Variants in SHC3 observed in about 807,000 individuals in gnomAD.
The protein encoded by SHC3 is SHC-transforming protein 3.
A neutral mutation model predicts 60.4 loss-of-function variants in SHC3; 15 were observed. The ratio of observed to expected loss-of-function variants is 0.25; its 90% confidence interval spans 0.17 to 0.38. The LOEUF (loss-of-function observed/expected upper bound fraction) is 0.38, where lower values mean the gene tolerates loss of function less well. Among genes scored for constraint, SHC3 ranks in the 10% least tolerant of loss-of-function variants. The pLI is 1.00. For synonymous variants in SHC3, 294 were observed against 325.9 expected, an observed-to-expected ratio of 0.90 and a Z score of 1.05; for missense variants, 677 against 786.1, an observed-to-expected ratio of 0.86 and a Z score of 1.66.
intron 5 of SHC3, among the ~76,000 whole-genome samples, chr9:89,069,625 C>A (rs1825237215): frequency 6.6e-6 from 1 of 152,196 alleles, no homozygotes; most frequent in Non-Finnish European, 1.5e-5. Flanking sequence ...AATACCTTCC[C>A]CTGCAGAGTG....
At chr9:89,098,536 A>C (rs149531677) in intron 2 of SHC3, among the ~76,000 whole-genome samples, 17 of 152,342 alleles carry the variant, frequency 1.1e-4, no homozygotes, top group African/African-American at 4.1e-4. Context: ...TAGGCTGGGC[A>C]CATGGCTCAC....
Position 89,042,052 on chromosome 9 carries a change from C to T in SHC3, c.1334G>A (p.Ser445Asn). Residue 445 changes from serine to asparagine, a missense_variant, in exon 10 of 12, where the codon AGC becomes AAC. By Grantham distance (46) the Ser-to-Asn change is conservative. Coordinates refer to ENST00000375835, the MANE Select transcript of SHC3 (RefSeq NM_016848.6). ...CATGTCAAAGAGGTCTTTCCTTGGG[C>T]TGCTCTCAGCACTGCTGACCGCAGC... is the stretch of plus-strand genomic sequence containing the variant. ...WPAAVSSAES[S>N]PRKDLFDMKP... is the part of the protein sequence containing the mutation. 2 of 1,612,926 alleles carry T rather than the reference C, an allele frequency of 1.2e-6. No homozygotes were observed. The highest frequency in any genetic ancestry group is 1.7e-6 in the Non-Finnish European group (2 of 1,179,784).
intron 4 of SHC3, among the ~76,000 whole-genome samples, chr9:89,071,995 A>G (rs145483911): frequency 6.6e-6 from 1 of 152,070 alleles, no homozygotes; most frequent in African/African-American, 2.4e-5. Flanking sequence ...CCCTACTCCT[A>G]TCTCTTTTTC....
intron 6 of SHC3, among the ~76,000 whole-genome samples, chr9:89,056,663 C>T (rs1298329567): frequency 6.6e-6 from 1 of 152,270 alleles, no homozygotes; most frequent in Non-Finnish European, 1.5e-5. Context: ...CACCCCACAT[C>T]CCAGCACATG....
intron 1 of SHC3, among the ~76,000 whole-genome samples, chr9:89,142,204 C>T (rs560414360): frequency 1.3e-5 from 2 of 152,294 alleles, no homozygotes; most frequent in African/African-American, 4.8e-5. Context: ...AGGAATGACT[C>T]TAACCTTCTT....
In SHC3 at chr9:89,110,475, C is replaced by T. The variant is rs921231505; in HGVS notation, c.545+2081G>A. 1.3e-5 allele frequency: 13 copies of T among 983,850 alleles called. No individual in the cohort carries two copies. The African/African-American group carries it at 1.9e-4, about 15-fold the overall frequency. 60.9% of individuals were successfully genotyped at this position (983,850 alleles called of 1,614,324 possible). A position where few individuals can be genotyped will look rare whatever the true frequency, so the allele number is the denominator to read the frequency against. ...GGAGTTTAATCACAGGTATGTTGAA[C>T]ACTTAGTTACCATGGAGACCTTAAA... On this transcript the variant is annotated intron_variant, in intron 2 of 11. Transcript: ENST00000375835.
Position 89,012,610 on chromosome 9 carries a change from A to C in SHC3, c.*837T>G, listed in dbSNP as rs142975635. ...AGACACAAACCAGGAATTTGCCCCG[A>C]CCACCCTTCTACAAATACCCATTTT... On this transcript the variant is annotated 3_prime_UTR_variant, in exon 12 of 12. Coordinates refer to ENST00000375835, the MANE Select transcript of SHC3 (RefSeq NM_016848.6). The C allele has an allele frequency of 1.3e-3, 193 of 152,262 alleles. No homozygotes were observed. The highest frequency in any genetic ancestry group is 4.5e-3 in the African/African-American group (186 of 41,542). 9.4% of individuals were successfully genotyped at this position (152,262 alleles called of 1,614,324 possible).
At chr9:89,040,261 TCAGCAGCAG>T (rs1564093124) in intron 10 of SHC3, among the ~76,000 whole-genome samples, 7 of 1,118 alleles carry the variant, frequency 6.3e-3, no homozygotes, top group Admixed American at 0.019. Context: ...AAAATTACCA[TCAGCAGCAG>T]CACCATCATC....
intron 2 of SHC3, among the ~76,000 whole-genome samples, chr9:89,093,009 G>T (rs1825648507): frequency 6.6e-6 from 1 of 152,174 alleles, no homozygotes; most frequent in Non-Finnish European, 1.5e-5. Flanking sequence ...CTAGTTGATG[G>T]ATAATTGGGC....
intron 1 of SHC3, among the ~76,000 whole-genome samples, chr9:89,155,110 C>A (rs773993170): frequency 6.6e-6 from 1 of 152,176 alleles, no homozygotes; most frequent in Non-Finnish European, 1.5e-5. Flanking sequence ...GTCAGGATGA[C>A]CCTGTGTGGC....
At chr9:89,077,301 T>A (rs1564124209) in intron 3 of SHC3, among the ~76,000 whole-genome samples, 2 of 152,232 alleles carry the variant, frequency 1.3e-5, no homozygotes. Context: ...AGTACCTGTA[T>A]GGCAGAAACA....
At chr9:89,106,157 G>A (rs1351194771) in intron 2 of SHC3, among the ~76,000 whole-genome samples, 1 of 152,128 alleles carries the variant, frequency 6.6e-6, no homozygotes, top group African/African-American at 2.4e-5. Flanking sequence ...TGTCTCTGCT[G>A]AGTATTAGTG....
chr9:89,177,037 C>G (rs1229060785), intron 1 of SHC3, among the ~76,000 whole-genome samples: 1 of 152,200 alleles, frequency 6.6e-6, no homozygotes, highest in East Asian at 1.9e-4. Flanking sequence ...CAATACAAAG[C>G]CATGCCTTGG....
intron 2 of SHC3, among the ~76,000 whole-genome samples, chr9:89,105,731 A>G (rs140108308): frequency 7.7e-4 from 118 of 152,346 alleles, no homozygotes; most frequent in African/African-American, 2.7e-3. Flanking sequence ...CATCATCATC[A>G]TTAGAATTAG....
chr9:89,146,243 G>T (rs1258970805), intron 1 of SHC3, among the ~76,000 whole-genome samples: 1 of 151,942 alleles, frequency 6.6e-6, no homozygotes, highest in African/African-American at 2.4e-5. Context: ...TGTAGTCTCA[G>T]CTACTTGGTG....
intron 1 of SHC3, among the ~76,000 whole-genome samples, chr9:89,138,978 C>T (rs1460635564): frequency 6.6e-6 from 1 of 152,142 alleles, no homozygotes; most frequent in African/African-American, 2.4e-5. Flanking sequence ...ATCCTGCATT[C>T]CTACACGAAG....
intron 7 of SHC3, among the ~76,000 whole-genome samples, chr9:89,048,217 C>T (rs1328513432): frequency 7.0e-6 from 1 of 142,596 alleles, no homozygotes. Context: ...GCATTCCAGC[C>T]TGGGCAATGG....
chr9:89,081,332 A>G (rs1259010517), intron 2 of SHC3, among the ~76,000 whole-genome samples: 1 of 152,186 alleles, frequency 6.6e-6, no homozygotes, highest in Non-Finnish European at 1.5e-5. Flanking sequence ...CACATACTCA[A>G]CTTTAATGGT....
At chr9:89,072,375 CA>C (rs1825288596) in intron 4 of SHC3, among the ~76,000 whole-genome samples, 1 of 152,098 alleles carries the variant, frequency 6.6e-6, no homozygotes, top group African/African-American at 2.4e-5. Context: ...ATTATGTTTC[CA>C]AAAACACACT....
Sources: allele counts gnomAD v4.1 joint callset (sites outside exome capture counted in the v4.1 genomes callset), GRCh38; gene constraint gnomAD v4.1.1; transcripts MANE v1.5; gene names NCBI Gene and HGNC (gene_info 2026-07-23, HGNC 2026-07-21).